Variants in YES1 observed in about 807,000 individuals in gnomAD.
YES1 encodes tyrosine-protein kinase Yes.
Under a neutral mutation model 70.4 loss-of-function variants are expected in YES1, and 39 were observed. That is an observed-to-expected ratio of 0.55 (90% CI 0.43 to 0.72). The LOEUF is 0.72. Ranked by LOEUF, YES1 falls within the 30% of genes least tolerant of loss-of-function variation. The pLI, the probability that YES1 is intolerant of heterozygous loss-of-function variation, is 0.00. For synonymous variants in YES1, 198 were observed against 218.6 expected, an observed-to-expected ratio of 0.91 and a Z score of 0.83; for missense variants, 495 against 644.8, an observed-to-expected ratio of 0.77 and a Z score of 2.52.
intron 1 of YES1, among the ~76,000 whole-genome samples, chr18:795,881 T>A (rs969972648): frequency 4.0e-5 from 6 of 148,390 alleles, no homozygotes; most frequent in Admixed American, 6.7e-5. Context: ...GTAACAAACC[T>A]GCACGTTCAG....
intron 11 of YES1, among the ~76,000 whole-genome samples, chr18:731,143 T>G (rs940505618): frequency 1.8e-4 from 28 of 152,108 alleles, no homozygotes; most frequent in African/African-American, 2.4e-5. Context: ...GGTCAGAAAG[T>G]AGATGCATGA....
intron 8 of YES1, among the ~76,000 whole-genome samples, chr18:741,674 G>C (rs1365225320): frequency 6.6e-6 from 1 of 152,046 alleles, no homozygotes; most frequent in Non-Finnish European, 1.5e-5. Context: ...GTGGTGGCAT[G>C]CACCTGTAAT....
chr18:772,011 C>T (rs1375843954), intron 1 of YES1, among the ~76,000 whole-genome samples: 1 of 151,370 alleles, frequency 6.6e-6, no homozygotes, highest in Non-Finnish European at 1.5e-5. Context: ...ACAGTCTGAT[C>T]GTACACCACA....
At chr18:759,466 T>C (rs1904463995) in intron 1 of YES1, among the ~76,000 whole-genome samples, 1 of 152,142 alleles carries the variant, frequency 6.6e-6, no homozygotes, top group South Asian at 2.1e-4. Flanking sequence ...AAACTCCGTC[T>C]CAAAAAACAA....
chr18:724,183 C>A lies in YES1; in HGVS notation c.*241G>T. On this transcript the variant is annotated 3_prime_UTR_variant, in exon 12 of 12. Coordinates refer to ENST00000314574, the MANE Select transcript of YES1 (RefSeq NM_005433.4). The stretch of plus-strand genomic sequence containing the variant: ...ATTACCATGCTGTCACCCACACTGT[C>A]ATCAGTATCTTAGCTCTATTTTGTT... 1 of 467,870 alleles carries A rather than the reference C, an allele frequency of 2.1e-6. No homozygotes were observed. Among genetic ancestry groups the A allele is most frequent in the Non-Finnish European group, 3.8e-6 (1 of 260,690 alleles). 29.0% of individuals were successfully genotyped at this position (467,870 alleles called of 1,614,324 possible). A position where few individuals can be genotyped will look rare whatever the true frequency, so the allele number is the denominator to read the frequency against.
chr18:799,261 A>C (rs1473966314), intron 1 of YES1, among the ~76,000 whole-genome samples: 1 of 152,158 alleles, frequency 6.6e-6, no homozygotes, highest in African/African-American at 2.4e-5. Context: ...CCCAAAATTC[A>C]TTCTCCCCTT....
At position 722,307 on chromosome 18, in the gene YES1, A is replaced by G. The variant is rs1235875124; in HGVS notation, c.*2117T>C. ...TCAATACTAAGCAGGTTACGTAAAC[A>G]GAAAAAACAACCACAATTTTTAGTA... On this transcript the variant is annotated 3_prime_UTR_variant, in exon 12 of 12. Coordinates refer to ENST00000314574, the MANE Select transcript of YES1 (RefSeq NM_005433.4). 2 of 152,662 alleles carry G rather than the reference A, an allele frequency of 1.3e-5. No homozygotes were observed. Among genetic ancestry groups the G allele is most frequent in the Non-Finnish European group, 2.9e-5 (2 of 68,044 alleles). The allele number at this position is 152,662 out of a possible 1,614,324, so 9.5% of individuals were successfully genotyped here. A position where few individuals can be genotyped will look rare whatever the true frequency, so the allele number is the denominator to read the frequency against.
chr18:753,782 G>A (rs1030614044), intron 2 of YES1, among the ~76,000 whole-genome samples: 1 of 151,988 alleles, frequency 6.6e-6, no homozygotes, highest in African/African-American at 2.4e-5. Flanking sequence ...CACCCTGCCC[G>A]GCTGACATCT....
At chr18:755,304 A>C (rs1248764957) in intron 2 of YES1, among the ~76,000 whole-genome samples, 3 of 150,880 alleles carry the variant, frequency 2.0e-5, no homozygotes, top group Non-Finnish European at 4.4e-5. Context: ...GCTGGAATGC[A>C]GTGGCGCAAT....
chr18:776,648 A>T (rs1407802493), intron 1 of YES1, among the ~76,000 whole-genome samples: 1 of 152,170 alleles, frequency 6.6e-6, no homozygotes, highest in African/African-American at 2.4e-5. Context: ...CATAAAAAGC[A>T]TTAATATTTT....
intron 1 of YES1, among the ~76,000 whole-genome samples, chr18:808,010 G>A (rs369404569): frequency 6.6e-6 from 1 of 152,224 alleles, no homozygotes; most frequent in African/African-American, 2.4e-5. Flanking sequence ...GGGGGGAAAA[G>A]GAGTTGAGGC....
intron 1 of YES1, among the ~76,000 whole-genome samples, chr18:790,034 C>G (rs1290219612): frequency 6.6e-6 from 1 of 151,688 alleles, no homozygotes; most frequent in African/African-American, 2.4e-5. Context: ...CCAGGCTGGG[C>G]AACAAGAGCA....
chr18:811,191 CATA>C (rs1414358381), intron 1 of YES1, among the ~76,000 whole-genome samples: 3 of 152,228 alleles, frequency 2.0e-5, no homozygotes, highest in African/African-American at 7.2e-5. Context: ...AACGTATATA[CATA>C]ATAAATGGAC....
chr18:737,011 CAG>C, intron 9 of YES1, 50 bp from the exon 10 acceptor site: 1 of 1,467,346 alleles, frequency 6.8e-7, no homozygotes, highest in Non-Finnish European at 9.2e-7. Context: ...CAAAGGGAAG[CAG>C]AGAGAAGACA....
intron 1 of YES1, among the ~76,000 whole-genome samples, chr18:795,155 C>T (rs1250570346): frequency 6.6e-6 from 1 of 152,176 alleles, no homozygotes; most frequent in African/African-American, 2.4e-5. Context: ...GAATCCGCAA[C>T]TGCAAATTAG....
intron 2 of YES1, 120 bp downstream of exon 2, chr18:756,433 CACAT>C (rs2080406914): frequency 7.7e-7 from 1 of 1,295,136 alleles, no homozygotes; most frequent in South Asian, 1.5e-5. Flanking sequence ...GACTGATTTT[CACAT>C]ACAATTATTT....
At chr18:725,334 C>G (rs545829440) in intron 11 of YES1, among the ~76,000 whole-genome samples, 5 of 152,160 alleles carry the variant, frequency 3.3e-5, no homozygotes, top group African/African-American at 9.7e-5. Context: ...GCCTGCAAGT[C>G]AGGCCATCCC....
At chr18:764,690 T>C (rs984161081) in intron 1 of YES1, among the ~76,000 whole-genome samples, 1 of 152,188 alleles carries the variant, frequency 6.6e-6, no homozygotes, top group African/African-American at 2.4e-5. Context: ...AAGCCAGAGA[T>C]AGATTAAACA....
At chr18:775,025 T>C (rs555285076) in intron 1 of YES1, 22 of 152,226 alleles carry the variant, frequency 1.4e-4, no homozygotes, top group African/African-American at 5.1e-4. Flanking sequence ...AGAGACAGAG[T>C]GTCTGGGTGC....
Sources: allele counts gnomAD v4.1 joint callset (sites outside exome capture counted in the v4.1 genomes callset), GRCh38; gene constraint gnomAD v4.1.1; transcripts MANE v1.5; gene names NCBI Gene and HGNC (gene_info 2026-07-23, HGNC 2026-07-21).